The following STAT5A variants were observed in gnomAD, a reference collection of about 807,000 sequenced individuals.
STAT5A encodes the protein signal transducer and activator of transcription 5A.
STAT5A carries 26 observed loss-of-function variants against 100.2 expected under a neutral mutation model. The observed-to-expected ratio is 0.26, with a 90% CI of 0.19 to 0.36. The LOEUF is 0.36. Among genes scored for constraint, STAT5A ranks in the 10% least tolerant of loss-of-function variants. The pLI, the probability that STAT5A is intolerant of heterozygous loss-of-function variation, is 1.00. For synonymous variants in STAT5A, 330 were observed against 424.3 expected (o/e 0.78, Z 2.73); for missense variants, 634 against 1,027.5 (o/e 0.62, Z 5.24).
chr17:42,288,680 G>A lies in STAT5A; in HGVS notation c.-11+82G>A, dbSNP rs1380897403. On this transcript the variant is annotated intron_variant, in intron 1 of 18. Transcript: ENST00000590949. The surrounding 1 kb of genome is among the most constrained non-coding windows in gnomAD (Gnocchi z 4.8). ...CGCCCCGGCACCTCCGGCACCCGGA[G>A]CTCGACGGCCGGGCGCAGCGCGGGG... is the stretch of plus-strand genomic sequence containing the variant. The A allele has an allele frequency of 6.6e-6, 1 of 152,270 alleles. No individual in the cohort carries two copies. Among genetic ancestry groups the A allele is most frequent in the Non-Finnish European group, 1.5e-5 (1 of 68,084 alleles). 9.4% of individuals were successfully genotyped at this position (152,270 alleles called of 1,614,324 possible).
Position 42,308,049 on chromosome 17 carries a change from C to A in STAT5A, c.1907-129C>A. 2 of 1,293,092 alleles carry A rather than the reference C, an allele frequency of 1.5e-6. No homozygotes were observed. The highest frequency in any genetic ancestry group is 2.1e-6 in the Non-Finnish European group (2 of 945,834). The allele number at this position is 1,293,092 out of a possible 1,614,324, so 80.1% of individuals were successfully genotyped here. On this transcript the variant is annotated intron_variant, in intron 15 of 18. Transcript: ENST00000590949. This position sits in a 1 kb window ranked among gnomAD's most constrained non-coding sequence, Gnocchi z 4.6. ...CATCCCGCATCGGCTTTCTTCCCTA[C>A]AGGCTGGGGCTGCAGCGCAAGCTAC...
chr17:42,295,321 C>A (rs1355565552), intron 4 of STAT5A, among the ~76,000 whole-genome samples: 1 of 152,048 alleles, frequency 6.6e-6, no homozygotes. Context: ...ATTAGATGGA[C>A]CCTGTTTGGA....
chr17:42,299,290 C>A (rs757859322), intron 5 of STAT5A, among the ~76,000 whole-genome samples: 2 of 152,358 alleles, frequency 1.3e-5, no homozygotes, highest in South Asian at 2.1e-4. Context: ...ATTTAATCTT[C>A]AAGCACCCCA....
Position 42,308,771 on chromosome 17 carries a change from T to C in STAT5A, c.2063-276T>C. On this transcript the variant is annotated intron_variant, in intron 16 of 18. Transcript: ENST00000590949. This position sits in a 1 kb window ranked among gnomAD's most constrained non-coding sequence, Gnocchi z 4.6. ...CCCCAAATCCATTGGTTGGGTTTGC[T>C]TGTTGATTCTCATTCTTTGACAGGG... 1.8e-6 allele frequency: 1 copy of C among 544,560 alleles called. No individual in the cohort carries two copies. Among genetic ancestry groups the C allele is most frequent in the Non-Finnish European group, 3.3e-6 (1 of 303,762 alleles). 33.7% of individuals were successfully genotyped at this position (544,560 alleles called of 1,614,324 possible).
chr17:42,297,957 C>T (rs939037941), intron 5 of STAT5A, among the ~76,000 whole-genome samples: 4 of 151,508 alleles, frequency 2.6e-5, no homozygotes, highest in Admixed American at 2.6e-4. Flanking sequence ...TCTTCTGACT[C>T]AGCTCAAGCA....
chr17:42,288,538 CG>C lies in STAT5A; in HGVS notation c.-68del, dbSNP rs1168781145. 6.5e-6 allele frequency: 1 copy of C among 153,088 alleles called. No homozygotes were observed. Among genetic ancestry groups the C allele is most frequent in the East Asian group, 1.9e-4 (1 of 5,224 alleles). The allele number at this position is 153,088 out of a possible 1,614,324, so 9.5% of individuals were successfully genotyped here. Reference sequence around the variant, plus strand: ...TGCCGCCGCCGCCAGGAACCCCGGCCGGGAGCGAGAGCCGCGGGGCGCAGAG... The same window carrying C: ...TGCCGCCGCCGCCAGGAACCCCGGCCGGAGCGAGAGCCGCGGGGCGCAGAG... On this transcript the variant is annotated 5_prime_UTR_variant, in exon 1 of 19. Transcript: ENST00000590949. The surrounding 1 kb of genome is among the most constrained non-coding windows in gnomAD (Gnocchi z 4.8).
intron 13 of STAT5A, 42 bp downstream of exon 13, chr17:42,306,489 G>T: frequency 6.3e-7 from 1 of 1,576,586 alleles, no homozygotes; most frequent in South Asian, 1.2e-5. Flanking sequence ...GGCCCACCGG[G>T]GTCTGTTGCT....
At position 42,302,943 on chromosome 17, in the gene STAT5A, A is replaced by ACT. The variant is rs2080995107; in HGVS notation, c.1170-1396_1170-1395dup. Among the ~76,000 whole-genome samples the ACT allele has an allele frequency of 3.4e-5, 5 of 147,060 alleles. No homozygotes were observed. In the South Asian group the frequency reaches 1.1e-3, roughly 31 times the overall value. On this transcript the variant is annotated intron_variant, in intron 9 of 18. Coordinates refer to ENST00000590949, the MANE Select transcript of STAT5A (RefSeq NM_001288718.2). ...GCACTCCAGCCTATGACAGAGCAAG[A>ACT]CTCTGTTTAAAAAAAAAAAAAAGGC...
chr17:42,310,027 T>C (rs2081065346), intron 18 of STAT5A, among the ~76,000 whole-genome samples: 1 of 152,218 alleles, frequency 6.6e-6, no homozygotes, highest in Non-Finnish European at 1.5e-5. Context: ...AGAGCAAGCT[T>C]CCTGATATGG....
intron 12 of STAT5A, 28 bp from the exon 13 acceptor site, chr17:42,306,213 C>A: frequency 1.2e-6 from 2 of 1,613,932 alleles, no homozygotes; most frequent in Non-Finnish European, 1.7e-6. Context: ...CTCAATCTAC[C>A]TTTTCCCCTC....
Position 42,304,307 on chromosome 17 carries a change from C to T in STAT5A, c.1170-35C>T, listed in dbSNP as rs375140678. The T allele has an allele frequency of 6.2e-7, 1 of 1,605,452 alleles. No individual in the cohort carries two copies. Among genetic ancestry groups the T allele is most frequent in the Non-Finnish European group, 8.5e-7 (1 of 1,172,896 alleles). ...ACAGGACCATGCTCCTGGCCTGGGG[C>T]CCATGTGGAGCTGGGACCCCCCTCT... On this transcript the variant is annotated intron_variant, in intron 9 of 18. Coordinates refer to ENST00000590949, the MANE Select transcript of STAT5A (RefSeq NM_001288718.2). This position sits in a 1 kb window ranked among gnomAD's most constrained non-coding sequence, Gnocchi z 4.8.
chr17:42,300,555 C>G (rs547780949), intron 7 of STAT5A, among the ~76,000 whole-genome samples, 160 bp from the exon 8 acceptor site: 10 of 151,902 alleles, frequency 6.6e-5, no homozygotes, highest in Admixed American at 5.9e-4. Context: ...CTCCTGTGTA[C>G]GTCTCTAATT....
intron 4 of STAT5A, among the ~76,000 whole-genome samples, chr17:42,292,422 A>G (rs768598057): frequency 1.3e-5 from 2 of 151,434 alleles, no homozygotes; most frequent in African/African-American, 4.9e-5. Flanking sequence ...TCTGCCTTCC[A>G]GGTTCACACC....
Position 42,308,990 on chromosome 17 carries a change from AC to A in STAT5A, c.2063-53del. ...GAGACTACATGGGGCGTGGGCTTCCACCCCACTTGGGAGTTCCCAGAGACTT... is the reference window on the plus strand; with the variant it reads ...GAGACTACATGGGGCGTGGGCTTCCACCCACTTGGGAGTTCCCAGAGACTT... On this transcript the variant is annotated intron_variant, in intron 16 of 18. Coordinates refer to ENST00000590949, the MANE Select transcript of STAT5A (RefSeq NM_001288718.2). The surrounding 1 kb of genome is among the most constrained non-coding windows in gnomAD (Gnocchi z 4.6). The A allele has an allele frequency of 6.2e-7, 1 of 1,612,636 alleles. No homozygotes were observed. The highest frequency in any genetic ancestry group is 1.3e-5 in the African/African-American group (1 of 74,988).
chr17:42,303,374 G>A (rs956775999), intron 9 of STAT5A, among the ~76,000 whole-genome samples: 3 of 152,064 alleles, frequency 2.0e-5, no homozygotes, highest in African/African-American at 7.2e-5. Flanking sequence ...TAAAAGATCA[G>A]GCAGGGCCAA....
intron 12 of STAT5A, 38 bp downstream of exon 12, chr17:42,305,740 G>T (rs371386603): frequency 6.3e-4 from 1,007 of 1,604,588 alleles, no homozygotes; most frequent in Non-Finnish European, 8.0e-4. Context: ...GCACCCCCAG[G>T]CCCTAGGACT....
chr17:42,289,561 C>T (rs751476536), intron 2 of STAT5A, 22 bp downstream of exon 2: 1 of 1,609,426 alleles, frequency 6.2e-7, no homozygotes, highest in Non-Finnish European at 8.5e-7. Context: ...CCGCCCTGCC[C>T]CTCCTCAGAG....
chr17:42,302,457 A>G (rs1248528771), intron 9 of STAT5A, among the ~76,000 whole-genome samples: 1 of 152,106 alleles, frequency 6.6e-6, no homozygotes, highest in Non-Finnish European at 1.5e-5. Flanking sequence ...GAGAGGGAGG[A>G]CTTTCAGGCA....
chr17:42,306,599 C>A, intron 13 of STAT5A, 152 bp downstream of exon 13: 1 of 1,161,202 alleles, frequency 8.6e-7, no homozygotes, highest in Non-Finnish European at 1.2e-6. Context: ...CCCCTAGCCT[C>A]AAGAAATGCA....
Sources: allele counts gnomAD v4.1 joint callset (sites outside exome capture counted in the v4.1 genomes callset), GRCh38; gene constraint gnomAD v4.1.1; non-coding constraint Gnocchi (gnomAD v3.1); transcripts MANE v1.5; gene names NCBI Gene and HGNC (gene_info 2026-07-23, HGNC 2026-07-21).